B4GALNT4: variants seen among roughly 807,000 people sequenced by gnomAD.
B4GALNT4 encodes N-acetyl-beta-glucosaminyl-glycoprotein 4-beta-N-acetylgalactosaminyltransferase 1.
B4GALNT4 carries 77 observed loss-of-function variants against 110.0 expected under a neutral mutation model. That is an observed-to-expected ratio of 0.70 (90% CI 0.58 to 0.85). The LOEUF is 0.85. Ranked by LOEUF, B4GALNT4 falls within the 40% of genes least tolerant of loss-of-function variation. B4GALNT4 has a pLI of 0.00. For synonymous variants in B4GALNT4, 785 were observed against 655.5 expected (o/e 1.20, Z -3.02); for missense variants, 1,575 against 1,506.0 (o/e 1.05, Z -0.76).
intron 8 of B4GALNT4, among the ~76,000 whole-genome samples, 191 bp from the exon 9 acceptor site, chr11:375,270 T>G (rs1846718718): frequency 6.6e-6 from 1 of 151,770 alleles, no homozygotes; most frequent in South Asian, 2.1e-4. Context: ...GTCCCTCAGC[T>G]TTCTGGGCTT....
At position 377,074 on chromosome 11, in the gene B4GALNT4, G is replaced by A; in HGVS notation, c.1951G>A (p.Asp651Asn). The A allele has an allele frequency of 6.9e-7, 1 of 1,445,776 alleles. No homozygotes were observed. Among genetic ancestry groups the A allele is most frequent in the Non-Finnish European group, 9.1e-7 (1 of 1,099,486 alleles). The allele number at this position is 1,445,776 out of a possible 1,614,324, so 89.6% of individuals were successfully genotyped here. A position where few individuals can be genotyped will look rare whatever the true frequency, so the allele number is the denominator to read the frequency against. Reference protein sequence around the residue: ...GEGEEEEEGEDDGAPGDEAAS... With the variant: ...GEGEEEEEGENDGAPGDEAAS... ...GGGCGAAGAGGAGGAGGAAGGGGAG[G>A]ACGATGGGGCCCCGGGCGACGAGGC... Residue 651 changes from aspartate to asparagine, a missense_variant, in exon 14 of 20, where the codon GAC becomes AAC. By Grantham distance (23) the Asp-to-Asn change is conservative. Coordinates refer to ENST00000329962, the MANE Select transcript of B4GALNT4 (RefSeq NM_178537.5).
Position 369,776 on chromosome 11 carries a change from G to A in B4GALNT4, c.-28G>A. The A allele has an allele frequency of 2.1e-6, 2 of 973,794 alleles. No individual in the cohort carries two copies. The highest frequency in any genetic ancestry group is 2.4e-6 in the Non-Finnish European group (2 of 822,892). 60.3% of individuals were successfully genotyped at this position (973,794 alleles called of 1,614,324 possible). A position where few individuals can be genotyped will look rare whatever the true frequency, so the allele number is the denominator to read the frequency against. ...GGGGGCTGCAGCGGCGCCGCTGAGC[G>A]CGGCCTGGGGCGGGCGCGGCGGCCG... is the stretch of plus-strand genomic sequence containing the variant. On this transcript the variant is annotated 5_prime_UTR_variant, in exon 1 of 20. Transcript: ENST00000329962.
At chr11:373,863 C>G (rs1183689466) in intron 8 of B4GALNT4, 35 bp downstream of exon 8, 1 of 1,597,146 alleles carries the variant, frequency 6.3e-7, no homozygotes, top group Admixed American at 1.7e-5. Flanking sequence ...CTTCTGGAGA[C>G]TCCACTCCCC....
chr11:380,553 C>G, intron 18 of B4GALNT4, 108 bp downstream of exon 18: 2 of 1,426,974 alleles, frequency 1.4e-6, no homozygotes, highest in East Asian at 5.0e-5. Flanking sequence ...GCCTGGGAGT[C>G]CATCAGTGCT....
Position 377,083 on chromosome 11 carries a change from GC to G in B4GALNT4, c.1964del (p.Pro655ArgfsTer67), listed in dbSNP as rs1360509623. On this transcript the variant is annotated frameshift_variant, in exon 14 of 20. Transcript: ENST00000329962. LOFTEE classifies it high-confidence loss of function. ...GGAGGAGGAAGGGGAGGACGATGGG[GC>G]CCCGGGCGACGAGGCCGCGTCGGAG... Reference protein sequence around the residue: ...EEEEEGEDDGAPGDEAASEDS... With the variant: ...EEEEEGEDDGXPGDEAASEDS... The G allele has an allele frequency of 1.4e-6, 2 of 1,449,934 alleles. No homozygotes were observed. The highest frequency in any genetic ancestry group is 9.1e-7 in the Non-Finnish European group (1 of 1,101,686). The allele number at this position is 1,449,934 out of a possible 1,614,324, so 89.8% of individuals were successfully genotyped here.
chr11:381,864 C>T lies in B4GALNT4; in HGVS notation c.*72C>T. 1 of 1,447,714 alleles carries T rather than the reference C, an allele frequency of 6.9e-7. No individual in the cohort carries two copies. The highest frequency in any genetic ancestry group is 1.5e-5 in the African/African-American group (1 of 67,206). The allele number at this position is 1,447,714 out of a possible 1,614,324, so 89.7% of individuals were successfully genotyped here. A position where few individuals can be genotyped will look rare whatever the true frequency, so the allele number is the denominator to read the frequency against. On this transcript the variant is annotated 3_prime_UTR_variant, in exon 20 of 20. Transcript: ENST00000329962. The stretch of plus-strand genomic sequence containing the variant: ...CTGGGGGCTGGGCTTTGAGCTCGGT[C>T]CCGAGAGACCCGGCAGGGCTGGTCA...
chr11:379,790 G>A (rs754022292), intron 15 of B4GALNT4, 76 bp from the exon 16 acceptor site: 18 of 1,516,728 alleles, frequency 1.2e-5, no homozygotes, highest in Non-Finnish European at 1.5e-5. Flanking sequence ...TGTCCGGGAT[G>A]AAGTTCTTCG....
chr11:369,750 C>CG lies in B4GALNT4; in HGVS notation c.-49dup. On this transcript the variant is annotated 5_prime_UTR_variant, in exon 1 of 20. It introduces an in-frame stop codon into an upstream open reading frame of the 5' UTR. Transcript: ENST00000329962. ...GATGCGGCGCGGGGCGGGCGGGGGC[C>CG]GGGGGCTGCAGCGGCGCCGCTGAGC... 2 of 879,768 alleles carry CG rather than the reference C, an allele frequency of 2.3e-6. No individual in the cohort carries two copies. The highest frequency in any genetic ancestry group is 2.7e-6 in the Non-Finnish European group (2 of 738,272). The allele number at this position is 879,768 out of a possible 1,614,324, so 54.5% of individuals were successfully genotyped here.
At position 381,853 on chromosome 11, in the gene B4GALNT4, TTGAGCTCGG is replaced by T. The variant is rs936031650; in HGVS notation, c.*63_*71del. 87 of 1,483,734 alleles carry T rather than the reference TTGAGCTCGG, an allele frequency of 5.9e-5. No homozygotes were observed. The highest frequency in any genetic ancestry group is 7.3e-5 in the Non-Finnish European group (82 of 1,117,392). The allele number at this position is 1,483,734 out of a possible 1,614,324, so 91.9% of individuals were successfully genotyped here. A position where few individuals can be genotyped will look rare whatever the true frequency, so the allele number is the denominator to read the frequency against. On this transcript the variant is annotated 3_prime_UTR_variant, in exon 20 of 20. Coordinates refer to ENST00000329962, the MANE Select transcript of B4GALNT4 (RefSeq NM_178537.5). The stretch of plus-strand genomic sequence containing the variant: ...CGAGGCAGCTGCTGGGGGCTGGGCT[TTGAGCTCGG>T]TCCCGAGAGACCCGGCAGGGCTGGT...
In B4GALNT4 at chr11:377,202, C is replaced by G. The variant is rs1050520177; in HGVS notation, c.2079C>G (p.Phe693Leu). ...CGTTCAGCGTGGGCGCCGTGGACTT[C>G]GAGCTGCTGCGCTCGGACTGGAACG... is the stretch of plus-strand genomic sequence containing the variant. The part of the protein sequence containing the change: ...QRTFSVGAVD[F>L]ELLRSDWNDL... The change falls in exon 14 of 20, where the codon TTC becomes TTG. Residue 693 changes from phenylalanine to leucine, a missense_variant. Phe to Leu is a conservative substitution (Grantham distance 22). Coordinates refer to ENST00000329962, the MANE Select transcript of B4GALNT4 (RefSeq NM_178537.5). The G allele has an allele frequency of 9.4e-6, 15 of 1,592,104 alleles. No individual in the cohort carries two copies. Among genetic ancestry groups the G allele is most frequent in the Admixed American group, 3.5e-5 (2 of 57,520 alleles).
chr11:379,799 C>CGGG (rs1279865362), intron 15 of B4GALNT4, 67 bp from the exon 16 acceptor site: 2 of 1,520,102 alleles, frequency 1.3e-6, no homozygotes, highest in East Asian at 4.6e-5. Context: ...TGAAGTTCTT[C>CGGG]GGAGCTGGGA....
At chr11:378,364 G>T (rs1275190880) in intron 14 of B4GALNT4, among the ~76,000 whole-genome samples, 3 of 152,212 alleles carry the variant, frequency 2.0e-5, no homozygotes, top group Non-Finnish European at 2.9e-5. Context: ...CAGAGGGCAC[G>T]CCTGCCCCGG....
In B4GALNT4 at chr11:376,565, GC is replaced by G. The variant is rs1200155368; in HGVS notation, c.1447del (p.Arg483GlyfsTer12). On this transcript the variant is annotated frameshift_variant, in exon 14 of 20. Transcript: ENST00000329962. LOFTEE classifies it high-confidence loss of function. ...GATLAPPTPPRPRDGGTPRHS... is the reference protein window; with the variant it reads ...GATLAPPTPPXPRDGGTPRHS... ...ACCCTCGCCCCGCCGACCCCTCCCC[GC>G]CCCCGGGACGGGGGGACCCCCAGGC... 1.8e-6 allele frequency: 2 copies of G among 1,099,358 alleles called. No individual in the cohort carries two copies. The highest frequency in any genetic ancestry group is 1.1e-6 in the Non-Finnish European group (1 of 909,014). 68.1% of individuals were successfully genotyped at this position (1,099,358 alleles called of 1,614,324 possible).
In B4GALNT4 at chr11:373,079, A is replaced by G. The variant is rs539837726; in HGVS notation, c.498A>G (p.Gly166=). ...LAVSPKWKNY[G]LRIFGFIHPA... ...TGTCCCCCAAGTGGAAGAACTATGG[A>G]CTCCGTATTTTTGGTTTCATCCACC... The change falls in exon 5 of 20, where the codon GGA becomes GGG. Residue 166 remains glycine, a synonymous_variant. Transcript: ENST00000329962. 3.2e-4 allele frequency: 509 copies of G among 1,610,280 alleles called. 6 individuals are homozygous for G. In the South Asian group the frequency reaches 5.2e-3, roughly 17 times the overall value.
chr11:379,623 C>T lies in B4GALNT4; in HGVS notation c.2410C>T (p.Pro804Ser). 6.5e-7 allele frequency: 1 copy of T among 1,527,738 alleles called. No individual in the cohort carries two copies. Among genetic ancestry groups the T allele is most frequent in the Non-Finnish European group, 8.8e-7 (1 of 1,140,976 alleles). 94.6% of individuals were successfully genotyped at this position (1,527,738 alleles called of 1,614,324 possible). ...ACCCGCTCCCGCCGCCTCCGTGCGCCCCGACGGCCGCCCCGAGCTCTGCCG... is the reference window on the plus strand; with the variant it reads ...ACCCGCTCCCGCCGCCTCCGTGCGCTCCGACGGCCGCCCCGAGCTCTGCCG... ...PEPAPAASVR[P>S]DGRPELCRPL... The change falls in exon 15 of 20, where the codon CCC becomes TCC. Residue 804 changes from proline to serine, a missense_variant. Coordinates refer to ENST00000329962, the MANE Select transcript of B4GALNT4 (RefSeq NM_178537.5).
chr11:375,882 C>T lies in B4GALNT4; in HGVS notation c.1021C>T (p.Leu341=). The change falls in exon 11 of 20, where the codon CTG becomes TTG. Residue 341 remains leucine (L), a synonymous_variant. Coordinates refer to ENST00000329962, the MANE Select transcript of B4GALNT4 (RefSeq NM_178537.5). ...GGAATCTTCGAGCCTGGAGAACGTG[C>T]TGGAGCCCTGCGCCTACGCCCCCAC... is the stretch of plus-strand genomic sequence containing the variant. ...RMESSSLENV[L]EPCAYAPTYV... 1 of 1,611,660 alleles carries T rather than the reference C, an allele frequency of 6.2e-7. No homozygotes were observed.
In B4GALNT4 at chr11:376,563, C is replaced by T. The variant is rs1298400644; in HGVS notation, c.1440C>T (p.Pro480=). Residue 480 remains proline, a synonymous_variant, in exon 14 of 20, where the codon CCC becomes CCT. Coordinates refer to ENST00000329962, the MANE Select transcript of B4GALNT4 (RefSeq NM_178537.5). Reference sequence around the variant, plus strand: ...CCACCCTCGCCCCGCCGACCCCTCCCCGCCCCCGGGACGGGGGGACCCCCA... The same window carrying T: ...CCACCCTCGCCCCGCCGACCCCTCCTCGCCCCCGGGACGGGGGGACCCCCA... ...PGATLAPPTP[P]RPRDGGTPRH... is the part of the protein sequence containing the mutation. 7.4e-7 allele frequency: 1 copy of T among 1,359,938 alleles called. No homozygotes were observed. The highest frequency in any genetic ancestry group is 9.4e-7 in the Non-Finnish European group (1 of 1,065,536). 84.2% of individuals were successfully genotyped at this position (1,359,938 alleles called of 1,614,324 possible). A position where few individuals can be genotyped will look rare whatever the true frequency, so the allele number is the denominator to read the frequency against.
rs767929285 is a variant in B4GALNT4, at chr11:373,734, C to A, written c.705-16C>A. The A allele has an allele frequency of 1.9e-6, 3 of 1,611,382 alleles. No homozygotes were observed. In the South Asian group the frequency reaches 3.3e-5, roughly 18 times the overall value. Reference sequence around the variant, plus strand: ...CGTCCTGTGCATGGCACGACCCTTGCTCCTCGTGTCCCCAGGCTCATGGCC... The same window carrying A: ...CGTCCTGTGCATGGCACGACCCTTGATCCTCGTGTCCCCAGGCTCATGGCC... On this transcript the variant is annotated splice_polypyrimidine_tract_variant and intron_variant, in intron 7 of 19. Transcript: ENST00000329962.
intron 3 of B4GALNT4, 46 bp from the exon 4 acceptor site, chr11:372,805 CG>C (rs765103219): frequency 5.7e-4 from 49 of 85,400 alleles, no homozygotes; most frequent in Non-Finnish European, 7.3e-4. Context: ...GGGGCTGGGG[CG>C]GGGGGGCGGC....
Sources: gnomAD v4.1 joint callset for allele counts (sites outside exome capture counted in the v4.1 genomes callset) on GRCh38, gnomAD v4.1.1 for gene constraint, MANE v1.5 for transcripts, NCBI Gene and HGNC (gene_info 2026-07-23, HGNC 2026-07-21) for gene names.